POU6F2: variants seen among roughly 807,000 people sequenced by gnomAD.
POU6F2 encodes the protein POU domain, class 6, transcription factor 2.
Under a neutral mutation model 71.3 loss-of-function variants are expected in POU6F2, and 31 were observed. The ratio of observed to expected loss-of-function variants is 0.43; its 90% CI spans 0.33 to 0.59. The LOEUF (loss-of-function observed/expected upper bound fraction) is 0.59. POU6F2 is among the 20% of genes least tolerant of loss of function. The pLI is 0.04. For synonymous variants in POU6F2, 347 were observed against 355.7 expected (o/e 0.98, Z 0.27); for missense variants, 783 against 856.8 (o/e 0.91, Z 1.07).
intron 5 of POU6F2, among the ~76,000 whole-genome samples, chr7:39,389,608 C>A (rs917524541): frequency 1.3e-5 from 2 of 152,028 alleles, no homozygotes; most frequent in African/African-American, 2.4e-5. Flanking sequence ...AATAGAGGAC[C>A]AAATGTAAAT....
chr7:39,378,572 G>T (rs1331187232), intron 5 of POU6F2, among the ~76,000 whole-genome samples: 3 of 152,098 alleles, frequency 2.0e-5, no homozygotes, highest in African/African-American at 7.2e-5. Context: ...CAAAGTCTAT[G>T]CTCCGTCAAT....
chr7:39,325,927 C>T (rs77157479), intron 4 of POU6F2, among the ~76,000 whole-genome samples: 2,780 of 152,224 alleles, frequency 0.018, 42 homozygotes, highest in Middle Eastern at 0.027. Flanking sequence ...TACCCCATAC[C>T]GGTAGCATAA....
rs536991585 is a variant in POU6F2 at position 39,103,317 on chromosome 7, A to G, written c.277+17286A>G. ...GGTAGCATCGCCTGTTGTAGTGGAC[A>G]CTGGGTGGACAATATGTAGATGTGA... On this transcript the variant is annotated intron_variant, in intron 2 of 9. Transcript: ENST00000518318. Among the ~76,000 whole-genome samples, 247 of 152,324 alleles carry G rather than the reference A, an allele frequency of 1.6e-3. 2 individuals carry two copies. The highest frequency in any genetic ancestry group is 5.5e-3 in the African/African-American group (230 of 41,578).
rs1460503613 is a variant in POU6F2 at position 39,008,228 on chromosome 7, G to A, written c.105+30170G>A. ...TTTAATGATTGCCATTCTAACTGGCGTGAGATGGTATCTCATTGTGGTTTT... is the reference window on the plus strand; with the variant it reads ...TTTAATGATTGCCATTCTAACTGGCATGAGATGGTATCTCATTGTGGTTTT... On this transcript the variant is annotated intron_variant, in intron 1 of 9. Coordinates refer to ENST00000518318, the MANE Select transcript of POU6F2 (RefSeq NM_001370959.1). Among the ~76,000 whole-genome samples, 1,035 of 151,108 alleles carry A rather than the reference G, an allele frequency of 6.8e-3. 14 individuals carry two copies. Among genetic ancestry groups the A allele is most frequent in the African/African-American group, 0.023 (928 of 41,126 alleles).
chr7:39,336,821 A>G (rs1002857782), intron 4 of POU6F2, among the ~76,000 whole-genome samples: 9 of 152,238 alleles, frequency 5.9e-5, no homozygotes, highest in African/African-American at 2.2e-4. Flanking sequence ...GAGTGCTTAT[A>G]ATAGTATGGT....
At chr7:39,262,409 A>G (rs1357253649) in intron 4 of POU6F2, among the ~76,000 whole-genome samples, 3 of 152,170 alleles carry the variant, frequency 2.0e-5, no homozygotes, top group Admixed American at 2.0e-4. Flanking sequence ...ACTCAGTTTT[A>G]TATCCATTTT....
chr7:39,193,451 G>C (rs1191509514), intron 2 of POU6F2, among the ~76,000 whole-genome samples: 1 of 152,168 alleles, frequency 6.6e-6, no homozygotes, highest in Non-Finnish European at 1.5e-5. Flanking sequence ...ATTTATTGTG[G>C]TCTGTCTTTT....
chr7:38,992,463 T>C (rs1177631656), intron 1 of POU6F2, among the ~76,000 whole-genome samples: 1 of 152,144 alleles, frequency 6.6e-6, no homozygotes, highest in Non-Finnish European at 1.5e-5. Flanking sequence ...TTTTAGGAAG[T>C]CATAATGTTG....
chr7:39,352,398 G>A (rs561080154), intron 5 of POU6F2, among the ~76,000 whole-genome samples: 43 of 152,222 alleles, frequency 2.8e-4, no homozygotes, highest in Non-Finnish European at 3.4e-4. Flanking sequence ...GAGGGGAGGC[G>A]GCAGCTTCTC....
chr7:39,033,179 T>C (rs955111365), intron 1 of POU6F2, among the ~76,000 whole-genome samples: 1 of 152,220 alleles, frequency 6.6e-6, no homozygotes, highest in Admixed American at 6.5e-5. Flanking sequence ...AATGATCAGT[T>C]GCCTAAAAAC....
intron 7 of POU6F2, among the ~76,000 whole-genome samples, chr7:39,433,729 G>A (rs1055351546): frequency 6.6e-6 from 1 of 152,158 alleles, no homozygotes; most frequent in Admixed American, 6.5e-5. Flanking sequence ...AGGAAGTTCT[G>A]CTTGGTTGAA....
rs540397000 is a variant in POU6F2, at chr7:39,437,244, GTGGTCC to G, written c.1320+3965_1320+3970del. 4.1e-3 allele frequency among the ~76,000 whole-genome samples: 623 copies of G among 152,252 alleles called. 2 individuals are homozygous for G. Among genetic ancestry groups the G allele is most frequent in the African/African-American group, 0.014 (572 of 41,542 alleles). ...TGGTAGAATTCAGCTGTGACTCCAT[GTGGTCC>G]TGGGCTTTTTTTGGTTGGTAGGCTA... On this transcript the variant is annotated intron_variant, in intron 7 of 9. Coordinates refer to ENST00000518318, the MANE Select transcript of POU6F2 (RefSeq NM_001370959.1).
At chr7:39,062,785 C>T (rs1429389769) in intron 1 of POU6F2, among the ~76,000 whole-genome samples, 1 of 151,352 alleles carries the variant, frequency 6.6e-6, no homozygotes, top group Non-Finnish European at 1.5e-5. Flanking sequence ...GGTTCATTGA[C>T]TCATGCCTGT....
intron 4 of POU6F2, among the ~76,000 whole-genome samples, chr7:39,285,796 C>T (rs992502530): frequency 3.3e-5 from 5 of 152,198 alleles, no homozygotes; most frequent in African/African-American, 4.8e-5. Flanking sequence ...CCCAGCAACT[C>T]CATGTTCCCC....
chr7:39,003,554 A>G (rs764279929), intron 1 of POU6F2, among the ~76,000 whole-genome samples: 8 of 145,986 alleles, frequency 5.5e-5, no homozygotes, highest in Non-Finnish European at 9.0e-5. Flanking sequence ...CGGGTCTAAC[A>G]TGGTGAAACC....
chr7:39,123,238 G>T (rs1792080697), intron 2 of POU6F2, among the ~76,000 whole-genome samples: 1 of 152,162 alleles, frequency 6.6e-6, no homozygotes, highest in African/African-American at 2.4e-5. Context: ...TCATTGCACT[G>T]TATGTAGTGT....
intron 4 of POU6F2, among the ~76,000 whole-genome samples, chr7:39,312,415 A>G (rs1267975026): frequency 6.6e-6 from 1 of 152,180 alleles, no homozygotes; most frequent in Non-Finnish European, 1.5e-5. Flanking sequence ...GCCAGAAGAC[A>G]GTGGTGCAAG....
At chr7:39,071,520 A>G (rs559555799) in intron 1 of POU6F2, among the ~76,000 whole-genome samples, 7 of 152,104 alleles carry the variant, frequency 4.6e-5, no homozygotes, top group African/African-American at 1.7e-4. Flanking sequence ...ATAACATTAA[A>G]AACACTACCA....
chr7:39,162,772 T>C (rs1241517160), intron 2 of POU6F2, among the ~76,000 whole-genome samples: 1 of 151,772 alleles, frequency 6.6e-6, no homozygotes, highest in East Asian at 1.9e-4. Context: ...GTGGGGATAG[T>C]ACTCAGTATT....
Sources: gnomAD v4.1 joint callset for allele counts (sites outside exome capture counted in the v4.1 genomes callset) on GRCh38, gnomAD v4.1.1 for gene constraint, MANE v1.5 for transcripts, NCBI Gene and HGNC (gene_info 2026-07-23, HGNC 2026-07-21) for gene names.